The following GLRA1 variants were observed in gnomAD, a reference collection of about 807,000 sequenced individuals.
GLRA1 encodes the protein glycine receptor alpha 1.
GLRA1 carries 37 observed loss-of-function variants against 48.3 expected under a neutral mutation model. The observed-to-expected ratio is 0.77, with a 90% confidence interval of 0.59 to 1.01. The LOEUF (loss-of-function observed/expected upper bound fraction) is 1.01, where lower values mean the gene tolerates loss of function less well. Ranked by LOEUF, GLRA1 falls within the 50% of genes least tolerant of loss-of-function variation. The pLI is 0.00. For synonymous variants in GLRA1, 196 were observed against 210.7 expected (o/e 0.93, Z 0.60); for missense variants, 427 against 571.0 (o/e 0.75, Z 2.57).
At chr5:151,911,281 C>T (rs1346262080) in intron 1 of GLRA1, among the ~76,000 whole-genome samples, 1 of 152,076 alleles carries the variant, frequency 6.6e-6, no homozygotes, top group Non-Finnish European at 1.5e-5. Context: ...CAATTTATAC[C>T]ATCTCCCACC....
intron 3 of GLRA1, among the ~76,000 whole-genome samples, chr5:151,861,344 C>G (rs1036951642): frequency 4.6e-5 from 7 of 152,222 alleles, no homozygotes; most frequent in African/African-American, 2.4e-5. Flanking sequence ...GTCCCACCAA[C>G]AGTGTAAAAG....
chr5:151,823,055 C>G, intron 8 of GLRA1, 92 bp from the exon 9 acceptor site: 1 of 1,129,744 alleles, frequency 8.9e-7, no homozygotes, highest in Non-Finnish European at 1.2e-6. Flanking sequence ...CAGGCCATGC[C>G]TATCTGGTTC....
At chr5:151,923,898 A>C (rs78183074) in intron 1 of GLRA1, among the ~76,000 whole-genome samples, 1 of 152,330 alleles carries the variant, frequency 6.6e-6, no homozygotes, top group Non-Finnish European at 1.5e-5. Flanking sequence ...AGGGCTTTAC[A>C]CACTGAGGTT....
At chr5:151,839,723 T>C (rs962904738) in intron 7 of GLRA1, among the ~76,000 whole-genome samples, 2 of 152,084 alleles carry the variant, frequency 1.3e-5, no homozygotes, top group Admixed American at 6.6e-5. Context: ...CTTAATTCAA[T>C]AGGATTTAGG....
intron 1 of GLRA1, among the ~76,000 whole-genome samples, chr5:151,919,388 T>C (rs945400968): frequency 2.6e-5 from 4 of 152,232 alleles, no homozygotes; most frequent in Non-Finnish European, 5.9e-5. Flanking sequence ...TCTGTGAGTA[T>C]AGTGGTCAGG....
chr5:151,853,226 A>G (rs1752953472), intron 6 of GLRA1, among the ~76,000 whole-genome samples: 1 of 152,016 alleles, frequency 6.6e-6, no homozygotes, highest in Non-Finnish European at 1.5e-5. Context: ...ATTTGCTAAG[A>G]GGATAGATCT....
chr5:151,852,302 A>G (rs1433110107), intron 6 of GLRA1, among the ~76,000 whole-genome samples: 13 of 152,176 alleles, frequency 8.5e-5, no homozygotes, highest in Non-Finnish European at 1.5e-5. Flanking sequence ...AACCAGCCAA[A>G]TAAATCTTCC....
Position 151,855,158 on chromosome 5 carries a change from G to T in GLRA1, c.579C>A (p.Asp193Glu), listed in dbSNP as rs1753007485. ...QLESFGYTMN[D>E]LIFEWQEQGA... Reference sequence around the variant, plus strand: ...CCTGTTCCTGCCACTCAAAGATGAGGTCATTCATCGTATATCCAACTGGGA... The same window carrying T: ...CCTGTTCCTGCCACTCAAAGATGAGTTCATTCATCGTATATCCAACTGGGA... Residue 193 changes from aspartate to glutamate, a missense_variant, in exon 6 of 9, where the codon GAC becomes GAA. Asp to Glu is a conservative substitution (Grantham distance 45). Transcript: ENST00000274576. 1.2e-6 allele frequency: 2 copies of T among 1,613,838 alleles called. No homozygotes were observed. The highest frequency in any genetic ancestry group is 1.7e-6 in the Non-Finnish European group (2 of 1,179,846).
In GLRA1 at chr5:151,892,344, C is replaced by T. The variant is rs1408253842; in HGVS notation, c.151G>A (p.Gly51Arg). The T allele has an allele frequency of 1.2e-5, 20 of 1,613,794 alleles. No homozygotes were observed. Among genetic ancestry groups the T allele is most frequent in the South Asian group, 4.4e-5 (4 of 91,080 alleles). Reference sequence around the variant, plus strand: ...TTGGGCCTGATCCTGGCATCATATCCGGAGGTTCTCCCCATTAGCTTATCC... The same window carrying T: ...TTGGGCCTGATCCTGGCATCATATCTGGAGGTTCTCCCCATTAGCTTATCC... ...FLDKLMGRTSGYDARIRPNFK... is the reference protein window; with the variant it reads ...FLDKLMGRTSRYDARIRPNFK... Residue 51 changes from glycine (G) to arginine (R), a missense_variant, in exon 2 of 9, where the codon GGA (glycine) becomes AGA (arginine). Gly to Arg is a moderately radical substitution (Grantham distance 125). Transcript: ENST00000274576.
At chr5:151,879,770 T>G (rs982725862) in intron 3 of GLRA1, among the ~76,000 whole-genome samples, 1 of 152,178 alleles carries the variant, frequency 6.6e-6, no homozygotes, top group African/African-American at 2.4e-5. Flanking sequence ...TTTGGGGGAC[T>G]GTTGGGAAGG....
intron 7 of GLRA1, among the ~76,000 whole-genome samples, chr5:151,851,161 G>A (rs1039926745): frequency 6.6e-6 from 1 of 152,230 alleles, no homozygotes; most frequent in Non-Finnish European, 1.5e-5. Context: ...AGACAGTGGA[G>A]CAGAATGTGG....
chr5:151,916,127 A>G (rs1754734293), intron 1 of GLRA1, among the ~76,000 whole-genome samples: 1 of 152,168 alleles, frequency 6.6e-6, no homozygotes, highest in Non-Finnish European at 1.5e-5. Flanking sequence ...CTGTATTTGA[A>G]TCCTGGTTTT....
rs369800907 is a variant in GLRA1, at chr5:151,851,518, T to A, written c.784A>T (p.Ile262Phe). The A allele has an allele frequency of 6.2e-7, 1 of 1,613,920 alleles. No homozygotes were observed. Among genetic ancestry groups the A allele is most frequent in the Non-Finnish European group, 8.5e-7 (1 of 1,179,798 alleles). ...LIQMYIPSLL[I>F]VILSWISFWI... ...AAGGAGATCCATGAGAGGATGACAATGAGCAGGCTGGGAATATACATCTGA... is the reference window on the plus strand; with the variant it reads ...AAGGAGATCCATGAGAGGATGACAAAGAGCAGGCTGGGAATATACATCTGA... Residue 262 changes from isoleucine (I) to phenylalanine (F), a missense_variant, in exon 7 of 9, where the codon ATT (isoleucine) becomes TTT (phenylalanine). Ile to Phe is a conservative substitution (Grantham distance 21). Around this residue, in one of 4 missense-constraint regions of GLRA1, gnomAD observed 271 missense variants for 434.9 expected, o/e 0.62. Coordinates refer to ENST00000274576, the MANE Select transcript of GLRA1 (RefSeq NM_000171.4).
At chr5:151,901,879 C>T (rs1446388004) in intron 1 of GLRA1, among the ~76,000 whole-genome samples, 1 of 152,172 alleles carries the variant, frequency 6.6e-6, no homozygotes, top group African/African-American at 2.4e-5. Context: ...CTTTCATTTT[C>T]AGAAAATTTA....
intron 3 of GLRA1, chr5:151,875,572 G>A (rs554217445): frequency 6.6e-6 from 1 of 152,190 alleles, no homozygotes; most frequent in Admixed American, 6.5e-5. Context: ...GGTCGTTCTT[G>A]TGACACAAGT....
intron 7 of GLRA1, among the ~76,000 whole-genome samples, chr5:151,840,615 A>G (rs1038535114): frequency 3.0e-4 from 46 of 152,284 alleles, no homozygotes; most frequent in African/African-American, 1.1e-3. Context: ...CATACTGTCT[A>G]TAAAAGATAC....
chr5:151,839,987 G>T (rs1763672278), intron 7 of GLRA1, among the ~76,000 whole-genome samples: 2 of 151,936 alleles, frequency 1.3e-5, no homozygotes, highest in Non-Finnish European at 2.9e-5. Context: ...TGAATTAGAT[G>T]TTTCTAAAAT....
chr5:151,858,378 C>T (rs1023045997), intron 4 of GLRA1, among the ~76,000 whole-genome samples: 1 of 152,180 alleles, frequency 6.6e-6, no homozygotes, highest in Non-Finnish European at 1.5e-5. Context: ...TTCCTGAAGT[C>T]GAATGACCTT....
At chr5:151,838,736 T>C (rs1763636611) in intron 7 of GLRA1, among the ~76,000 whole-genome samples, 1 of 152,120 alleles carries the variant, frequency 6.6e-6, no homozygotes, top group South Asian at 2.1e-4. Flanking sequence ...AGAAAGAATA[T>C]TTAAAAAAAT....
Sources: allele counts gnomAD v4.1 joint callset (sites outside exome capture counted in the v4.1 genomes callset), GRCh38; gene constraint gnomAD v4.1.1; regional missense constraint gnomAD v4.1.1; transcripts MANE v1.5; gene names NCBI Gene and HGNC (gene_info 2026-07-23, HGNC 2026-07-21).